The following ST6GALNAC3 variants were observed in gnomAD, a reference collection of about 807,000 sequenced individuals.
ST6GALNAC3 encodes alpha-N-acetylgalactosaminide alpha-2,6-sialyltransferase 3.
In ST6GALNAC3, 25 loss-of-function variants were observed where a neutral mutation model predicts 32.7. That is an observed-to-expected ratio of 0.76 (90% CI 0.56 to 1.07). ST6GALNAC3 has a LOEUF of 1.07. Among genes scored for constraint, ST6GALNAC3 ranks in the 50% least tolerant of loss-of-function variants. ST6GALNAC3 has a pLI of 0.00. For synonymous variants in ST6GALNAC3, 129 were observed against 133.1 expected (o/e 0.97, Z 0.21); for missense variants, 355 against 382.4 (o/e 0.93, Z 0.60).
intron 3 of ST6GALNAC3, among the ~76,000 whole-genome samples, chr1:76,503,487 G>C (rs1319898604): frequency 2.0e-5 from 3 of 152,200 alleles, no homozygotes; most frequent in Non-Finnish European, 2.9e-5. Context: ...TTACTGACTG[G>C]TAATAGCAAA....
intron 3 of ST6GALNAC3, among the ~76,000 whole-genome samples, chr1:76,527,999 C>A (rs563977218): frequency 1.3e-5 from 2 of 152,106 alleles, no homozygotes; most frequent in African/African-American, 4.8e-5. Flanking sequence ...AATATTTGAC[C>A]TTTTGAGTGA....
chr1:76,112,098 C>G (rs1648012390), intron 1 of ST6GALNAC3, among the ~76,000 whole-genome samples: 1 of 142,600 alleles, frequency 7.0e-6, no homozygotes, highest in African/African-American at 2.6e-5. Flanking sequence ...CCGGACGGGG[C>G]GGCTGGCCGG....
Position 76,423,205 on chromosome 1 carries a change from A to C in ST6GALNAC3, c.623+10788A>C, listed in dbSNP as rs370610787. ...TCATCACAGCATTACCTCCAATAAT[A>C]TGTAATTTCTTTTTTGCCTATGTTA... On this transcript the variant is annotated intron_variant, in intron 3 of 4. Transcript: ENST00000328299. 4.3e-4 allele frequency among the ~76,000 whole-genome samples: 65 copies of C among 152,118 alleles called. No individual in the cohort carries two copies. In the South Asian group the frequency reaches 0.013, roughly 30 times the overall value.
At chr1:76,181,883 A>G (rs1373927741) in intron 1 of ST6GALNAC3, among the ~76,000 whole-genome samples, 1 of 152,220 alleles carries the variant, frequency 6.6e-6, no homozygotes, top group African/African-American at 2.4e-5. Context: ...AATGAATGCA[A>G]ATCAGGAACC....
intron 1 of ST6GALNAC3, among the ~76,000 whole-genome samples, chr1:76,201,831 A>C (rs1654536851): frequency 6.6e-6 from 1 of 152,184 alleles, no homozygotes; most frequent in South Asian, 2.1e-4. Context: ...ACATACAAAA[A>C]GACAAGACTA....
chr1:76,268,601 C>G (rs1315794693), intron 1 of ST6GALNAC3, among the ~76,000 whole-genome samples: 1 of 152,212 alleles, frequency 6.6e-6, no homozygotes, highest in Admixed American at 6.5e-5. Flanking sequence ...TACTTATGCA[C>G]TGAACTCCAA....
At chr1:76,178,756 C>T (rs1181181096) in intron 1 of ST6GALNAC3, among the ~76,000 whole-genome samples, 1 of 152,168 alleles carries the variant, frequency 6.6e-6, no homozygotes. Context: ...TCTGAACTGT[C>T]AGTCGGTTCA....
intron 1 of ST6GALNAC3, among the ~76,000 whole-genome samples, chr1:76,131,000 C>T (rs761417855): frequency 1.4e-4 from 21 of 152,288 alleles, no homozygotes; most frequent in Admixed American, 7.2e-4. Context: ...TTGAAGGTTG[C>T]TGTCTTTTGT....
At chr1:76,209,824 C>T (rs999483919) in intron 1 of ST6GALNAC3, among the ~76,000 whole-genome samples, 2 of 152,186 alleles carry the variant, frequency 1.3e-5, no homozygotes, top group Non-Finnish European at 2.9e-5. Context: ...AGCCCCCGGG[C>T]CACCCTTCCT....
chr1:76,210,215 A>T (rs911137700), intron 1 of ST6GALNAC3, among the ~76,000 whole-genome samples: 3 of 152,188 alleles, frequency 2.0e-5, no homozygotes, highest in African/African-American at 7.2e-5. Context: ...AATTGTCCTG[A>T]TTAGAGCTGC....
At chr1:76,274,261 C>T (rs1387574715) in intron 1 of ST6GALNAC3, among the ~76,000 whole-genome samples, 1 of 152,078 alleles carries the variant, frequency 6.6e-6, no homozygotes, top group Non-Finnish European at 1.5e-5. Flanking sequence ...TGAACCTTTC[C>T]ATCACATCTT....
intron 3 of ST6GALNAC3, among the ~76,000 whole-genome samples, chr1:76,468,649 A>G (rs1170172976): frequency 6.6e-6 from 1 of 151,796 alleles, no homozygotes; most frequent in African/African-American, 2.4e-5. Context: ...TTTTTTTACC[A>G]AAAGATTTTG....
At chr1:76,299,547 G>T (rs1660606371) in intron 1 of ST6GALNAC3, among the ~76,000 whole-genome samples, 1 of 152,000 alleles carries the variant, frequency 6.6e-6, no homozygotes, top group Non-Finnish European at 1.5e-5. Flanking sequence ...CTGCAAAAGA[G>T]AAATTCTTCC....
At chr1:76,102,514 G>A (rs777946421) in intron 1 of ST6GALNAC3, among the ~76,000 whole-genome samples, 25 of 151,816 alleles carry the variant, frequency 1.6e-4, no homozygotes, top group Non-Finnish European at 3.5e-4. Flanking sequence ...TTGAATTGAG[G>A]ATTTGTTGTT....
At chr1:76,465,856 C>T (rs928672784) in intron 3 of ST6GALNAC3, among the ~76,000 whole-genome samples, 3 of 151,856 alleles carry the variant, frequency 2.0e-5, no homozygotes, top group Non-Finnish European at 4.4e-5. Context: ...TAAATCATGA[C>T]GTTCTGGGTC....
At chr1:76,233,912 A>G (rs899491523) in intron 1 of ST6GALNAC3, among the ~76,000 whole-genome samples, 4 of 151,778 alleles carry the variant, frequency 2.6e-5, no homozygotes, top group African/African-American at 9.7e-5. Flanking sequence ...TATCTGTGAT[A>G]TTAAAATTTT....
intron 1 of ST6GALNAC3, among the ~76,000 whole-genome samples, chr1:76,297,770 A>AT (rs965059999): frequency 9.2e-5 from 14 of 152,044 alleles, no homozygotes; most frequent in African/African-American, 3.1e-4. Flanking sequence ...TGGTACTGCA[A>AT]TTTTATCATG....
At chr1:76,294,102 AACGG>A (rs1660252883) in intron 1 of ST6GALNAC3, among the ~76,000 whole-genome samples, 1 of 152,140 alleles carries the variant, frequency 6.6e-6, no homozygotes, top group Non-Finnish European at 1.5e-5. Context: ...GTACCTTGCT[AACGG>A]AATTGCTAAC....
In ST6GALNAC3 at chr1:76,135,142, A is replaced by G. The variant is rs543861803; in HGVS notation, c.18+60258A>G. Among the ~76,000 whole-genome samples the G allele has an allele frequency of 5.1e-4, 76 of 149,402 alleles. 1 individual carries two copies. The highest frequency in any genetic ancestry group is 1.3e-4 in the Non-Finnish European group (9 of 67,040). ...GGGCAATAGAGCGAGACTCTGCTCA[A>G]AAAAAAAAAAGGAATACTTTCTTCT... On this transcript the variant is annotated intron_variant, in intron 1 of 4. Coordinates refer to ENST00000328299, the MANE Select transcript of ST6GALNAC3 (RefSeq NM_152996.4).
Sources: gnomAD v4.1 joint callset for allele counts (sites outside exome capture counted in the v4.1 genomes callset) on GRCh38, gnomAD v4.1.1 for gene constraint, MANE v1.5 for transcripts, NCBI Gene and HGNC (gene_info 2026-07-23, HGNC 2026-07-21) for gene names.